The following SHANK2 variants were observed in gnomAD, a reference collection of about 807,000 sequenced individuals.
The protein encoded by SHANK2 is SH3 and multiple ankyrin repeat domains protein 2.
Under a neutral mutation model 133.7 loss-of-function variants are expected in SHANK2, and 43 were observed. That is an observed-to-expected ratio of 0.32 (90% CI 0.25 to 0.41). The LOEUF (loss-of-function observed/expected upper bound fraction) is 0.41. Ranked by LOEUF, SHANK2 falls within the 10% of genes least tolerant of loss-of-function variation. The pLI is 1.00. For missense variants in SHANK2, 1,994 were observed against 2,235.8 expected (o/e 0.89, Z 2.18); for synonymous variants, 1,017 against 952.8 (o/e 1.07, Z -1.24).
chr11:71,160,917 A>T (rs530960824), intron 2 of SHANK2, among the ~76,000 whole-genome samples: 1 of 152,202 alleles, frequency 6.6e-6, no homozygotes, highest in South Asian at 2.1e-4. Flanking sequence ...TCCAAAGAAG[A>T]TGGCTTCCAA....
chr11:70,672,479 T>C (rs1326213551), intron 15 of SHANK2, among the ~76,000 whole-genome samples: 1 of 152,200 alleles, frequency 6.6e-6, no homozygotes, highest in Non-Finnish European at 1.5e-5. Flanking sequence ...GCTGCCATCC[T>C]CTCTTCCTCC....
At chr11:70,954,735 G>A (rs1166327558) in intron 10 of SHANK2, among the ~76,000 whole-genome samples, 3 of 152,242 alleles carry the variant, frequency 2.0e-5, no homozygotes, top group Non-Finnish European at 4.4e-5. Context: ...AGCCTGTGGC[G>A]ATGCTGGGGT....
At chr11:70,550,856 C>A (rs2059756356) in intron 17 of SHANK2, among the ~76,000 whole-genome samples, 1 of 152,180 alleles carries the variant, frequency 6.6e-6, no homozygotes, top group Non-Finnish European at 1.5e-5. Context: ...AGCCTCAGGG[C>A]CTCCATGGAG....
intron 15 of SHANK2, among the ~76,000 whole-genome samples, chr11:70,688,935 T>C (rs1438912019): frequency 1.3e-5 from 2 of 152,222 alleles, no homozygotes; most frequent in Non-Finnish European, 2.9e-5. Context: ...ACTTGTCCCA[T>C]AGGTATGCAT....
At chr11:70,782,321 T>G (rs1318839980) in intron 14 of SHANK2, among the ~76,000 whole-genome samples, 2 of 152,238 alleles carry the variant, frequency 1.3e-5, no homozygotes, top group Non-Finnish European at 2.9e-5. Flanking sequence ...CCTCCCAAAG[T>G]GCTGGGATTA....
chr11:70,494,991 G>A (rs1453057544), intron 21 of SHANK2, among the ~76,000 whole-genome samples: 5 of 152,166 alleles, frequency 3.3e-5, no homozygotes, highest in African/African-American at 1.2e-4. Flanking sequence ...TTCCCCCAGT[G>A]GATGCTAAGC....
intron 1 of SHANK2, among the ~76,000 whole-genome samples, chr11:71,230,472 G>A (rs1954724515): frequency 6.6e-6 from 1 of 152,082 alleles, no homozygotes; most frequent in Non-Finnish European, 1.5e-5. Context: ...GGGAGGCTGA[G>A]GCAGGAGAAT....
chr11:71,090,717 A>T (rs1951501721), intron 8 of SHANK2, among the ~76,000 whole-genome samples: 1 of 152,124 alleles, frequency 6.6e-6, no homozygotes, highest in Non-Finnish European at 1.5e-5. Flanking sequence ...GAGAATTTTT[A>T]AAAGTTTAGA....
chr11:70,763,066 G>A (rs917273935), intron 14 of SHANK2, among the ~76,000 whole-genome samples: 4 of 152,196 alleles, frequency 2.6e-5, no homozygotes, highest in Admixed American at 6.5e-5. Flanking sequence ...CAAGGAGCCT[G>A]ATCTGAAGGA....
chr11:70,657,564 G>A (rs182492427), intron 17 of SHANK2, among the ~76,000 whole-genome samples: 1 of 152,180 alleles, frequency 6.6e-6, no homozygotes, highest in Non-Finnish European at 1.5e-5. Flanking sequence ...GGGTCCAGCT[G>A]CCTGCACCCC....
intron 2 of SHANK2, among the ~76,000 whole-genome samples, chr11:71,189,408 T>G (rs1953744634): frequency 6.6e-6 from 1 of 152,208 alleles, no homozygotes; most frequent in Admixed American, 6.5e-5. Flanking sequence ...TTATTCTTTT[T>G]CTTTTTGAGA....
At chr11:70,555,295 A>C (rs1268560113) in intron 17 of SHANK2, among the ~76,000 whole-genome samples, 3 of 152,234 alleles carry the variant, frequency 2.0e-5, no homozygotes, top group Non-Finnish European at 4.4e-5. Flanking sequence ...AAGTGAAAGG[A>C]AGCGTCACAC....
At chr11:71,177,609 G>T (rs1224270581) in intron 2 of SHANK2, among the ~76,000 whole-genome samples, 2 of 152,064 alleles carry the variant, frequency 1.3e-5, no homozygotes, top group African/African-American at 4.8e-5. Context: ...AAGAAGAAAA[G>T]CAGAATGATG....
intron 17 of SHANK2, 129 bp downstream of exon 17, chr11:70,659,699 G>C (rs2061456108): frequency 3.5e-6 from 4 of 1,154,248 alleles, no homozygotes; most frequent in Middle Eastern, 4.1e-4. Context: ...ACTGACCAAT[G>C]AAAGTTCATG....
intron 5 of SHANK2, among the ~76,000 whole-genome samples, chr11:71,111,219 G>C (rs75381807): frequency 0.022 from 3,276 of 152,308 alleles, 40 homozygotes; most frequent in African/African-American, 0.037. Flanking sequence ...TGGGCCGCTG[G>C]AGCACTTTTC....
intron 11 of SHANK2, among the ~76,000 whole-genome samples, chr11:70,828,835 C>T (rs1030044769): frequency 6.6e-6 from 1 of 152,210 alleles, no homozygotes; most frequent in Non-Finnish European, 1.5e-5. Flanking sequence ...AGGGAACTCT[C>T]GGGGAGACTC....
chr11:70,928,183 G>A (rs1370623645), intron 10 of SHANK2, among the ~76,000 whole-genome samples: 1 of 152,128 alleles, frequency 6.6e-6, no homozygotes, highest in African/African-American at 2.4e-5. Flanking sequence ...GAAACCCAGA[G>A]GGAAAAGGGC....
intron 3 of SHANK2, among the ~76,000 whole-genome samples, chr11:71,145,011 G>T (rs1952617852): frequency 6.6e-6 from 1 of 152,196 alleles, no homozygotes; most frequent in South Asian, 2.1e-4. Context: ...GTGCTTTCCT[G>T]CATTACTTGA....
At chr11:70,567,976 G>A (rs1403025086) in intron 17 of SHANK2, among the ~76,000 whole-genome samples, 3 of 152,310 alleles carry the variant, frequency 2.0e-5, no homozygotes, top group Admixed American at 6.5e-5. Flanking sequence ...GCGAGGAGAC[G>A]GGCAACAAAA....
Sources: allele counts gnomAD v4.1 joint callset (sites outside exome capture counted in the v4.1 genomes callset), GRCh38; gene constraint gnomAD v4.1.1; transcripts MANE v1.5; gene names NCBI Gene and HGNC (gene_info 2026-07-23, HGNC 2026-07-21).